PAPPA2: variants seen among roughly 807,000 people sequenced by gnomAD.
PAPPA2 encodes the protein pappalysin-2.
PAPPA2 carries 86 observed loss-of-function variants against 176.4 expected under a neutral mutation model. The observed-to-expected ratio is 0.49, with a 90% CI of 0.41 to 0.58. The LOEUF (loss-of-function observed/expected upper bound fraction) is 0.58, where lower values mean the gene tolerates loss of function less well. Among genes scored for constraint, PAPPA2 ranks in the 20% least tolerant of loss-of-function variants. The pLI is 0.00. For synonymous variants in PAPPA2, 809 were observed against 852.2 expected, an observed-to-expected ratio of 0.95 and a Z score of 0.88; for missense variants, 2,073 against 2,256.9, an observed-to-expected ratio of 0.92 and a Z score of 1.65.
intron 2 of PAPPA2, among the ~76,000 whole-genome samples, chr1:176,587,302 C>A (rs1653377254): frequency 6.6e-6 from 1 of 152,088 alleles, no homozygotes; most frequent in Non-Finnish European, 1.5e-5. Flanking sequence ...AATTAGATCC[C>A]ATTTGTTGAT....
intron 12 of PAPPA2, among the ~76,000 whole-genome samples, chr1:176,738,059 G>A (rs1213163668): frequency 4.6e-5 from 7 of 152,090 alleles, no homozygotes; most frequent in African/African-American, 7.2e-5. Flanking sequence ...AAGAGGTTAT[G>A]GAAATTCCCA....
intron 3 of PAPPA2, among the ~76,000 whole-genome samples, chr1:176,654,850 T>G (rs1657938824): frequency 6.6e-6 from 1 of 151,768 alleles, no homozygotes. Flanking sequence ...TGGGATTGCC[T>G]TCTTAATTTG....
At chr1:176,617,647 C>CATATATATATATAT (rs150600721) in intron 3 of PAPPA2, among the ~76,000 whole-genome samples, 1 of 147,832 alleles carries the variant, frequency 6.8e-6, no homozygotes, top group African/African-American at 2.5e-5. Flanking sequence ...TTCCATGGCG[C>CATATATATATATAT]ATATATATAT....
chr1:176,722,811 G>A (rs1259785550), intron 12 of PAPPA2, among the ~76,000 whole-genome samples: 2 of 152,128 alleles, frequency 1.3e-5, no homozygotes, highest in Non-Finnish European at 2.9e-5. Context: ...TGCCAGGACA[G>A]TTTGTTGTAT....
intron 3 of PAPPA2, among the ~76,000 whole-genome samples, chr1:176,615,460 G>A (rs755478765): frequency 1.3e-5 from 2 of 152,112 alleles, no homozygotes; most frequent in Non-Finnish European, 2.9e-5. Context: ...ACAGGTGCCT[G>A]CCACCATGCC....
At chr1:176,834,168 T>C (rs1175545566) in intron 21 of PAPPA2, among the ~76,000 whole-genome samples, 1 of 152,218 alleles carries the variant, frequency 6.6e-6, no homozygotes, top group Non-Finnish European at 1.5e-5. Flanking sequence ...CCCAAGCCTT[T>C]GAAAATACAT....
Position 176,677,479 on chromosome 1 carries a change from G to GA in PAPPA2, c.2137+6369dup, listed in dbSNP as rs750264498. On this transcript the variant is annotated intron_variant, in intron 4 of 22. Transcript: ENST00000367662. The stretch of plus-strand genomic sequence containing the variant: ...GCTTTCAATGCTGTGTTAACACAAA[G>GA]AAAAATCTTTTTACAGGTGGATCAA... Among the ~76,000 whole-genome samples the GA allele has an allele frequency of 2.1e-4, 32 of 152,246 alleles. 1 individual carries two copies. Among genetic ancestry groups the GA allele is most frequent in the Non-Finnish European group, 4.1e-4 (28 of 67,978 alleles).
In PAPPA2 at chr1:176,623,758, C is replaced by CCTTCCTTTCTTTCTTTCTTT. The variant is rs1198828841; in HGVS notation, c.1991+28166_1991+28167insCCTTTCTTTCTTTCTTTCTT. On this transcript the variant is annotated intron_variant, in intron 3 of 22. Coordinates refer to ENST00000367662, the MANE Select transcript of PAPPA2 (RefSeq NM_020318.3). ...TTTCTTTCTCTCTCTTTCCTTCCTT[C>CCTTCCTTTCTTTCTTTCTTT]CTTTCTTTCTTTCTTTCTTTCTTTC... Among the ~76,000 whole-genome samples, 314 of 59,018 alleles carry CCTTCCTTTCTTTCTTTCTTT rather than the reference C, an allele frequency of 5.3e-3. 26 individuals carry two copies. Among genetic ancestry groups the CCTTCCTTTCTTTCTTTCTTT allele is most frequent in the African/African-American group, 0.022 (288 of 13,136 alleles). 38.7% of individuals were successfully genotyped at this position (59,018 alleles called of 152,430 possible).
chr1:176,749,544 C>T (rs1571268330), intron 14 of PAPPA2, among the ~76,000 whole-genome samples: 1 of 152,196 alleles, frequency 6.6e-6, no homozygotes. Context: ...TACATCATTA[C>T]AGTATCACAC....
In PAPPA2 at chr1:176,605,318, G is replaced by T. The variant is rs575195550; in HGVS notation, c.1991+9723G>T. 1.4e-4 allele frequency among the ~76,000 whole-genome samples: 22 copies of T among 152,318 alleles called. No individual in the cohort carries two copies. In the East Asian group the frequency reaches 3.9e-3, roughly 27 times the overall value. ...GCACTTTAGTTAGGATTTTGCAATT[G>T]TAGGGAACAGACCTGCTCATGTTAA... On this transcript the variant is annotated intron_variant, in intron 3 of 22. Coordinates refer to ENST00000367662, the MANE Select transcript of PAPPA2 (RefSeq NM_020318.3).
chr1:176,609,896 A>G (rs1487901211), intron 3 of PAPPA2, among the ~76,000 whole-genome samples: 1 of 152,176 alleles, frequency 6.6e-6, no homozygotes, highest in Non-Finnish European at 1.5e-5. Flanking sequence ...TCAGTGGTGG[A>G]TTTGATGAGA....
chr1:176,670,260 C>T (rs1221757002), intron 3 of PAPPA2, among the ~76,000 whole-genome samples: 1 of 152,046 alleles, frequency 6.6e-6, no homozygotes, highest in African/African-American at 2.4e-5. Flanking sequence ...TTTAATAGAC[C>T]TTTAATTCTG....
At chr1:176,647,299 A>G (rs1314313603) in intron 3 of PAPPA2, among the ~76,000 whole-genome samples, 5 of 151,542 alleles carry the variant, frequency 3.3e-5, no homozygotes, top group Non-Finnish European at 5.9e-5. Context: ...CTCCGTATAT[A>G]TTCTGGTTAT....
chr1:176,514,009 A>C (rs1401144073), intron 1 of PAPPA2, among the ~76,000 whole-genome samples: 1 of 152,178 alleles, frequency 6.6e-6, no homozygotes, highest in African/African-American at 2.4e-5. Context: ...GCTTATTACC[A>C]CAATTTTATG....
chr1:176,497,001 A>G (rs1056706785), intron 1 of PAPPA2, among the ~76,000 whole-genome samples: 17 of 152,116 alleles, frequency 1.1e-4, no homozygotes, highest in Admixed American at 9.2e-4. Context: ...AACTAGACAG[A>G]AAGAGATTTG....
chr1:176,578,478 T>G (rs1023614116), intron 2 of PAPPA2, among the ~76,000 whole-genome samples: 1 of 152,198 alleles, frequency 6.6e-6, no homozygotes, highest in African/African-American at 2.4e-5. Flanking sequence ...TCCATTTGAC[T>G]TCAGGAGCAG....
At chr1:176,628,683 T>C (rs1167852671) in intron 3 of PAPPA2, among the ~76,000 whole-genome samples, 1 of 152,198 alleles carries the variant, frequency 6.6e-6, no homozygotes, top group Non-Finnish European at 1.5e-5. Context: ...TAGAGGTAGA[T>C]ATGATGAACT....
At chr1:176,512,417 C>T (rs1648661161) in intron 1 of PAPPA2, among the ~76,000 whole-genome samples, 1 of 152,074 alleles carries the variant, frequency 6.6e-6, no homozygotes, top group African/African-American at 2.4e-5. Context: ...TGAACTACTA[C>T]TAACATATGC....
In PAPPA2 at chr1:176,789,935, G is replaced by C. The variant is rs373078729; in HGVS notation, c.4842G>C (p.Leu1614=). ...GMYECTNGFS[L]DSQCVLNCNQ... Reference sequence around the variant, plus strand: ...ATGAATGTACCAATGGCTTCAGCCTGGACAGCCAGTGTGTGCTCAACTGTA... The same window carrying C: ...ATGAATGTACCAATGGCTTCAGCCTCGACAGCCAGTGTGTGCTCAACTGTA... The change falls in exon 18 of 23, where the codon CTG becomes CTC. Residue 1614 remains leucine (L), a synonymous_variant. Coordinates refer to ENST00000367662, the MANE Select transcript of PAPPA2 (RefSeq NM_020318.3). 36 of 1,614,126 alleles carry C rather than the reference G, an allele frequency of 2.2e-5. No individual in the cohort carries two copies. The African/African-American group carries it at 4.1e-4, about 19-fold the overall frequency.
Sources: allele counts gnomAD v4.1 joint callset (sites outside exome capture counted in the v4.1 genomes callset), GRCh38; gene constraint gnomAD v4.1.1; transcripts MANE v1.5; gene names NCBI Gene and HGNC (gene_info 2026-07-23, HGNC 2026-07-21).